The following SCFD2 variants were observed in gnomAD, a reference collection of about 807,000 sequenced individuals.
SCFD2 encodes the protein sec1 family domain containing 2.
Under a neutral mutation model 58.9 loss-of-function variants are expected in SCFD2, and 54 were observed. The ratio of observed to expected loss-of-function variants is 0.92; its 90% confidence interval spans 0.74 to 1.15. SCFD2 has a LOEUF of 1.15. Among genes scored for constraint, SCFD2 ranks in the 50% most tolerant of loss-of-function variants. SCFD2 has a pLI of 0.00. For missense variants in SCFD2, 805 were observed against 836.6 expected (o/e 0.96, Z 0.47); for synonymous variants, 321 against 335.9 (o/e 0.96, Z 0.49).
intron 5 of SCFD2, among the ~76,000 whole-genome samples, chr4:52,941,487 G>A (rs143654524): frequency 1.3e-5 from 2 of 152,328 alleles, no homozygotes; most frequent in Non-Finnish European, 2.9e-5. Flanking sequence ...AAGCTGAGAT[G>A]CTCCCTTGGT....
chr4:53,279,942 C>G (rs1360813092), intron 3 of SCFD2, among the ~76,000 whole-genome samples: 1 of 152,184 alleles, frequency 6.6e-6, no homozygotes, highest in Non-Finnish European at 1.5e-5. Context: ...TTACCTCCAC[C>G]TGGTCTCTCC....
rs190288985 is a variant in SCFD2, at chr4:53,139,516, C to A, written c.1561+5817G>T. ...CGCCCAGTCTGAGAAGTGAGGAGCCCCTCTGCCCGGCAGCTGCCCCGTCTG... is the reference window on the plus strand; with the variant it reads ...CGCCCAGTCTGAGAAGTGAGGAGCCACTCTGCCCGGCAGCTGCCCCGTCTG... On this transcript the variant is annotated intron_variant, in intron 5 of 8. Coordinates refer to ENST00000401642, the MANE Select transcript of SCFD2 (RefSeq NM_152540.4). 4.0e-3 allele frequency among the ~76,000 whole-genome samples: 541 copies of A among 136,796 alleles called. 46 individuals are homozygous for A. Among genetic ancestry groups the A allele is most frequent in the Middle Eastern group, 7.8e-3 (2 of 256 alleles). 89.7% of individuals were successfully genotyped at this position (136,796 alleles called of 152,430 possible).
chr4:53,293,700 C>T (rs1731922156), intron 3 of SCFD2, among the ~76,000 whole-genome samples: 1 of 151,998 alleles, frequency 6.6e-6, no homozygotes, highest in Admixed American at 6.6e-5. Flanking sequence ...AAAGTTTTTT[C>T]CCTAAAATCT....
intron 4 of SCFD2, among the ~76,000 whole-genome samples, chr4:53,272,462 CAAT>C (rs1444063820): frequency 6.6e-6 from 1 of 152,250 alleles, no homozygotes; most frequent in Middle Eastern, 3.4e-3. Flanking sequence ...AAATGTCCAA[CAAT>C]GATAGACTGG....
chr4:53,083,377 G>A (rs1018474013), intron 5 of SCFD2, among the ~76,000 whole-genome samples: 4 of 151,936 alleles, frequency 2.6e-5, no homozygotes, highest in African/African-American at 9.7e-5. Context: ...ACATTTAAAG[G>A]AAAACTAATA....
At chr4:53,184,162 A>C (rs1486637684) in intron 4 of SCFD2, among the ~76,000 whole-genome samples, 1 of 152,060 alleles carries the variant, frequency 6.6e-6, no homozygotes. Context: ...CAAATATTCA[A>C]TTTTCCTTAC....
intron 1 of SCFD2, among the ~76,000 whole-genome samples, chr4:53,356,490 A>G (rs1160445274): frequency 2.0e-5 from 3 of 152,194 alleles, no homozygotes; most frequent in Non-Finnish European, 2.9e-5. Context: ...CAGTGGCTCA[A>G]TCATGGCTCA....
Position 53,247,831 on chromosome 4 carries a change from G to A in SCFD2, c.1311+25995C>T, listed in dbSNP as rs546046864. 1.6e-3 allele frequency among the ~76,000 whole-genome samples: 182 copies of A among 112,522 alleles called. 1 individual carries two copies. Among genetic ancestry groups the A allele is most frequent in the African/African-American group, 5.6e-3 (163 of 29,094 alleles). The allele number at this position is 112,522 out of a possible 152,430, so 73.8% of individuals were successfully genotyped here. A position where few individuals can be genotyped will look rare whatever the true frequency, so the allele number is the denominator to read the frequency against. ...AGCCGAGATTGCGCCACTGCAGTCC[G>A]CAGTCCAGCCTGGGCAACAGAGCGA... On this transcript the variant is annotated intron_variant, in intron 4 of 8. Transcript: ENST00000401642.
chr4:53,122,594 T>C (rs188136178), intron 5 of SCFD2, among the ~76,000 whole-genome samples: 5 of 152,280 alleles, frequency 3.3e-5, no homozygotes, highest in Admixed American at 3.3e-4. Context: ...CCAGAATTAG[T>C]AGGCAATACA....
At position 53,365,268 on chromosome 4, in the gene SCFD2, G is replaced by T; in HGVS notation, c.674C>A (p.Ser225Tyr). Residue 225 changes from serine (S) to tyrosine (Y), a missense_variant, in exon 1 of 9, where the codon TCT (serine) becomes TAT (tyrosine). Physicochemically the swap from Ser to Tyr is moderately radical, Grantham distance 144. Transcript: ENST00000401642. This position sits in a 1 kb window ranked among gnomAD's most constrained non-coding sequence, Gnocchi z 4.3. ...QIRCLVSGLSSLCEHLGVREE... is the reference protein window; with the variant it reads ...QIRCLVSGLSYLCEHLGVREE... ...CCGTACTCCTAAATGTTCACACAGA[G>T]AACTGAGGCCTGACACTAGGCATCT... is the stretch of plus-strand genomic sequence containing the variant. 1.2e-6 allele frequency: 2 copies of T among 1,614,198 alleles called. No individual in the cohort carries two copies. The highest frequency in any genetic ancestry group is 1.7e-6 in the Non-Finnish European group (2 of 1,180,040).
intron 5 of SCFD2, among the ~76,000 whole-genome samples, chr4:53,019,374 T>A (rs1722292544): frequency 6.6e-6 from 1 of 152,212 alleles, no homozygotes; most frequent in South Asian, 2.1e-4. Context: ...AGATAGATAC[T>A]TATATGTATA....
intron 5 of SCFD2, among the ~76,000 whole-genome samples, chr4:53,076,073 G>A (rs1026892989): frequency 6.6e-6 from 1 of 152,124 alleles, no homozygotes; most frequent in African/African-American, 2.4e-5. Context: ...TAGTTTTATA[G>A]CAAAAGGTAT....
At chr4:52,891,252 C>A (rs1404603998) in intron 7 of SCFD2, among the ~76,000 whole-genome samples, 1 of 152,140 alleles carries the variant, frequency 6.6e-6, no homozygotes, top group Non-Finnish European at 1.5e-5. Flanking sequence ...CCATTCTAAG[C>A]ATCAGAGATT....
chr4:53,196,515 G>A (rs1428489696), intron 4 of SCFD2, among the ~76,000 whole-genome samples: 2 of 152,252 alleles, frequency 1.3e-5, no homozygotes, highest in East Asian at 3.9e-4. Context: ...GCCTGCCTAA[G>A]CAAGCCAGGC....
chr4:53,180,262 C>T (rs1175326890), intron 4 of SCFD2, among the ~76,000 whole-genome samples: 2 of 152,110 alleles, frequency 1.3e-5, no homozygotes, highest in Admixed American at 6.5e-5. Flanking sequence ...TAAAGCACTC[C>T]TCAGCAAAAG....
intron 4 of SCFD2, among the ~76,000 whole-genome samples, chr4:53,218,422 A>C (rs1467145779): frequency 6.6e-6 from 1 of 152,060 alleles, no homozygotes; most frequent in African/African-American, 2.4e-5. Context: ...CCTTTCTTCC[A>C]GTTGTTCAAA....
intron 4 of SCFD2, among the ~76,000 whole-genome samples, chr4:53,146,969 T>A (rs1369963812): frequency 6.6e-6 from 1 of 152,152 alleles, no homozygotes; most frequent in African/African-American, 2.4e-5. Flanking sequence ...CCCATGCAGA[T>A]AAGCAGGGAC....
At chr4:53,338,080 T>C (rs1260722412) in intron 2 of SCFD2, among the ~76,000 whole-genome samples, 3 of 152,146 alleles carry the variant, frequency 2.0e-5, no homozygotes, top group Admixed American at 1.3e-4. Context: ...AAGAGGCAAA[T>C]AATAGATTCT....
intron 3 of SCFD2, among the ~76,000 whole-genome samples, chr4:53,310,989 T>C (rs2149108759): frequency 6.6e-6 from 1 of 152,344 alleles, no homozygotes; most frequent in African/African-American, 2.4e-5. Context: ...TGTGCATAGT[T>C]TAAAATATAT....
Sources: allele counts gnomAD v4.1 joint callset (sites outside exome capture counted in the v4.1 genomes callset), GRCh38; gene constraint gnomAD v4.1.1; non-coding constraint Gnocchi (gnomAD v3.1); transcripts MANE v1.5; gene names NCBI Gene and HGNC (gene_info 2026-07-23, HGNC 2026-07-21).